The following GRIN2A variants were observed in gnomAD, a reference collection of about 807,000 sequenced individuals.
The protein encoded by GRIN2A is glutamate receptor ionotropic, NMDA 2A.
Under a neutral mutation model 113.4 loss-of-function variants are expected in GRIN2A, and 22 were observed. The observed-to-expected ratio is 0.19, with a 90% CI of 0.14 to 0.28. GRIN2A has a LOEUF of 0.28. Among genes scored for constraint, GRIN2A ranks in the 10% least tolerant of loss-of-function variants. GRIN2A has a pLI of 1.00. For synonymous variants in GRIN2A, 827 were observed against 738.4 expected, an observed-to-expected ratio of 1.12 and a Z score of -1.94; for missense variants, 1,502 against 1,887.0, an observed-to-expected ratio of 0.80 and a Z score of 3.78.
At chr16:9,839,250 C>T (rs551755562) in intron 7 of GRIN2A, among the ~76,000 whole-genome samples, 1 of 152,094 alleles carries the variant, frequency 6.6e-6, no homozygotes, top group Non-Finnish European at 1.5e-5. Context: ...TAATACAACA[C>T]TTTCCTTTAA....
chr16:10,073,324 A>C (rs1377409498), intron 2 of GRIN2A, among the ~76,000 whole-genome samples: 1 of 152,174 alleles, frequency 6.6e-6, no homozygotes, highest in East Asian at 1.9e-4. Flanking sequence ...GGCAAGGCCC[A>C]TGGAAGACAG....
intron 3 of GRIN2A, among the ~76,000 whole-genome samples, chr16:9,930,479 T>G (rs532701723): frequency 6.6e-6 from 1 of 152,304 alleles, no homozygotes; most frequent in South Asian, 2.1e-4. Flanking sequence ...ACCTCGTATC[T>G]CTTGCTGATT....
At chr16:9,967,151 A>C (rs2045570847) in intron 2 of GRIN2A, among the ~76,000 whole-genome samples, 1 of 152,214 alleles carries the variant, frequency 6.6e-6, no homozygotes, top group Non-Finnish European at 1.5e-5. Flanking sequence ...GGTAATAAAG[A>C]ATATGAATTA....
At chr16:9,886,629 T>A (rs1202899687) in intron 4 of GRIN2A, among the ~76,000 whole-genome samples, 3 of 152,164 alleles carry the variant, frequency 2.0e-5, no homozygotes, top group Admixed American at 6.5e-5. Flanking sequence ...TTTTCTCTTG[T>A]TTATGATGGA....
rs765841145 is a variant in GRIN2A at position 9,938,100 on chromosome 16, T to C, written c.866A>G (p.Glu289Gly). 1 of 1,614,038 alleles carries C rather than the reference T, an allele frequency of 6.2e-7. No homozygotes were observed. The highest frequency in any genetic ancestry group is 8.5e-7 in the Non-Finnish European group (1 of 1,179,962). Residue 289 changes from glutamate (E) to glycine (G), a missense_variant, in exon 3 of 13, where the codon GAG becomes GGG. Coordinates refer to ENST00000330684, the MANE Select transcript of GRIN2A (RefSeq NM_001134407.3). ...VSYDDWDYSL[E>G]ARVRDGIGIL... is the part of the protein sequence containing the mutation. ...GCCAATGCCGTCCCTCACTCTCGCC[T>C]CCAGGCTGTAGTCCCAGTCATCGTA...
At chr16:9,792,470 C>T (rs907505210) in intron 11 of GRIN2A, among the ~76,000 whole-genome samples, 2 of 152,120 alleles carry the variant, frequency 1.3e-5, no homozygotes, top group African/African-American at 4.8e-5. Context: ...GCAAACCTCC[C>T]ACCTCAGGCT....
At chr16:9,771,643 C>T (rs1159858625) in intron 11 of GRIN2A, among the ~76,000 whole-genome samples, 1 of 147,640 alleles carries the variant, frequency 6.8e-6, no homozygotes, top group African/African-American at 2.5e-5. Flanking sequence ...CTTGTGACGT[C>T]TGTAACTTTT....
At chr16:9,910,671 G>A (rs563731404) in intron 3 of GRIN2A, among the ~76,000 whole-genome samples, 1 of 151,604 alleles carries the variant, frequency 6.6e-6, no homozygotes, top group South Asian at 2.1e-4. Flanking sequence ...CTGAGTAGCT[G>A]GGACTACAGG....
At chr16:10,127,243 C>T (rs1192754301) in intron 2 of GRIN2A, among the ~76,000 whole-genome samples, 1 of 151,492 alleles carries the variant, frequency 6.6e-6, no homozygotes, top group Non-Finnish European at 1.5e-5. Context: ...AAAAAAAATC[C>T]ACCTGCCTTG....
At chr16:9,896,500 C>T (rs926599642) in intron 3 of GRIN2A, among the ~76,000 whole-genome samples, 1 of 152,164 alleles carries the variant, frequency 6.6e-6, no homozygotes, top group Admixed American at 6.5e-5. Flanking sequence ...ATGGAATTAG[C>T]AGAGTGATTA....
At chr16:10,014,498 G>A (rs1354711347) in intron 2 of GRIN2A, among the ~76,000 whole-genome samples, 1 of 152,150 alleles carries the variant, frequency 6.6e-6, no homozygotes, top group Non-Finnish European at 1.5e-5. Flanking sequence ...CAGGCTCAGA[G>A]GGTAGCTGAA....
chr16:10,059,410 T>A (rs907142104), intron 2 of GRIN2A, among the ~76,000 whole-genome samples: 13 of 152,088 alleles, frequency 8.5e-5, no homozygotes, highest in Non-Finnish European at 1.8e-4. Flanking sequence ...GATCCAGGGC[T>A]GGGGCTACTG....
intron 3 of GRIN2A, among the ~76,000 whole-genome samples, chr16:9,932,929 G>T (rs555935714): frequency 1.3e-5 from 2 of 152,194 alleles, no homozygotes; most frequent in South Asian, 4.1e-4. Context: ...CCTCCCAGGG[G>T]GCCCTGGCCA....
rs2047221144 is a variant in GRIN2A, at chr16:10,044,185, C to T, written c.415-105634G>A. Reference sequence around the variant, plus strand: ...AGCAATTCTCCCGCCTCCGTCTCGCCACCATGCCCAGCTAATTTTTGTATT... The same window carrying T: ...AGCAATTCTCCCGCCTCCGTCTCGCTACCATGCCCAGCTAATTTTTGTATT... On this transcript the variant is annotated intron_variant, in intron 2 of 12. Coordinates refer to ENST00000330684, the MANE Select transcript of GRIN2A (RefSeq NM_001134407.3). Among the ~76,000 whole-genome samples the T allele has an allele frequency of 2.0e-5, 3 of 151,902 alleles. 1 individual carries two copies. The South Asian group carries it at 6.3e-4, about 32-fold the overall frequency.
At chr16:10,112,804 A>C in intron 2 of GRIN2A, 1 of 666,964 alleles carries the variant, frequency 1.5e-6, no homozygotes, top group South Asian at 1.4e-5. Context: ...GGAGAGCTCA[A>C]ATTTGAGAAG....
chr16:10,090,309 G>A (rs12597497), intron 2 of GRIN2A, among the ~76,000 whole-genome samples: 29,642 of 152,120 alleles, frequency 0.19, 3,559 homozygotes, highest in East Asian at 0.43. Context: ...CAAAGCTACA[G>A]AAATCAAGAG....
At chr16:9,984,496 C>T (rs1037087678) in intron 2 of GRIN2A, among the ~76,000 whole-genome samples, 1 of 152,200 alleles carries the variant, frequency 6.6e-6, no homozygotes, top group Non-Finnish European at 1.5e-5. Flanking sequence ...TTTTACACGT[C>T]AGTCTTTAAC....
At chr16:10,013,271 T>C (rs2046542817) in intron 2 of GRIN2A, among the ~76,000 whole-genome samples, 1 of 152,208 alleles carries the variant, frequency 6.6e-6, no homozygotes, top group Non-Finnish European at 1.5e-5. Context: ...ATTCAGCCCA[T>C]AGGCTGCCCT....
chr16:9,941,060 G>A (rs893532357), intron 2 of GRIN2A, among the ~76,000 whole-genome samples: 1 of 152,200 alleles, frequency 6.6e-6, no homozygotes, highest in Admixed American at 6.5e-5. Context: ...AGTCACCAGA[G>A]TTACCTTCTG....
Sources: allele counts gnomAD v4.1 joint callset (sites outside exome capture counted in the v4.1 genomes callset), GRCh38; gene constraint gnomAD v4.1.1; transcripts MANE v1.5; gene names NCBI Gene and HGNC (gene_info 2026-07-23, HGNC 2026-07-21).